The following MTHFD1 variants were observed in gnomAD, a reference collection of about 807,000 sequenced individuals.
MTHFD1 encodes the protein methylenetetrahydrofolate dehydrogenase, cyclohydrolase and formyltetrahydrofolate synthetase 1, also known as C-1-tetrahydrofolate synthase, cytoplasmic.
A neutral mutation model predicts 110.3 loss-of-function variants in MTHFD1; 44 were observed. The ratio of observed to expected loss-of-function variants is 0.40; its 90% CI spans 0.31 to 0.51. MTHFD1 has a LOEUF of 0.51. MTHFD1 is among the 20% of genes least tolerant of loss of function. MTHFD1 has a pLI of 0.60. For missense variants in MTHFD1, 909 were observed against 1,173.1 expected (o/e 0.77, Z 3.29); for synonymous variants, 402 against 428.8 (o/e 0.94, Z 0.77).
Position 64,439,166 on chromosome 14 carries a change from A to C in MTHFD1, c.1668A>C (p.Thr556=). 6.2e-7 allele frequency: 1 copy of C among 1,613,244 alleles called. No individual in the cohort carries two copies. The highest frequency in any genetic ancestry group is 2.2e-5 in the East Asian group (1 of 44,880). The change falls in exon 17 of 28, where the codon ACA becomes ACC. Residue 556 remains threonine (T), a synonymous_variant. Coordinates refer to ENST00000652337, the MANE Select transcript of MTHFD1 (RefSeq NM_005956.4). ...IGQAPTEKGH[T]RTAQFDISVA... is the part of the protein sequence containing the mutation. ...AGGCTCCAACGGAGAAGGGTCACACACGGACGGTAACAATTTGTCCCTTTC... is the reference window on the plus strand; with the variant it reads ...AGGCTCCAACGGAGAAGGGTCACACCCGGACGGTAACAATTTGTCCCTTTC...
intron 15 of MTHFD1, among the ~76,000 whole-genome samples, chr14:64,432,620 T>A (rs959192809): frequency 2.9e-4 from 44 of 152,228 alleles, no homozygotes; most frequent in African/African-American, 1.0e-3. Flanking sequence ...GCTTGCATAT[T>A]GCATGCCTCC....
At chr14:64,424,757 G>A (rs149854024) in intron 8 of MTHFD1, 47 bp from the exon 9 acceptor site, 1 of 1,608,850 alleles carries the variant, frequency 6.2e-7, no homozygotes, top group African/African-American at 1.3e-5. Context: ...TGATCACCAG[G>A]ACTGTGATTC....
At chr14:64,434,814 G>T (rs1470959922) in intron 15 of MTHFD1, among the ~76,000 whole-genome samples, 3 of 148,586 alleles carry the variant, frequency 2.0e-5, no homozygotes, top group Non-Finnish European at 4.4e-5. Context: ...TGGGAGCGAT[G>T]AATTCTGTTT....
At chr14:64,416,948 A>G (rs2078030244) in intron 6 of MTHFD1, among the ~76,000 whole-genome samples, 2 of 152,108 alleles carry the variant, frequency 1.3e-5, no homozygotes, top group African/African-American at 2.4e-5. Flanking sequence ...TGATGTTCAC[A>G]TTATTATAAG....
At chr14:64,426,491 G>T (rs1311465888) in intron 11 of MTHFD1, among the ~76,000 whole-genome samples, 2 of 152,146 alleles carry the variant, frequency 1.3e-5, no homozygotes, top group African/African-American at 2.4e-5. Context: ...GTTGTTTTGA[G>T]ACAGAGTCTC....
chr14:64,425,411 A>G (rs1304615872), intron 9 of MTHFD1, among the ~76,000 whole-genome samples: 2 of 151,880 alleles, frequency 1.3e-5, no homozygotes, highest in African/African-American at 2.4e-5. Flanking sequence ...AGGTTTCTCC[A>G]CGTTGGTTAG....
intron 1 of MTHFD1, among the ~76,000 whole-genome samples, chr14:64,389,440 G>T (rs563988139): frequency 7.0e-4 from 107 of 152,270 alleles, no homozygotes; most frequent in Non-Finnish European, 1.0e-3. Context: ...GGGCCCAGTG[G>T]CTCATGCCTG....
Position 64,441,886 on chromosome 14 carries a change from C to T in MTHFD1, c.1885-168C>T, listed in dbSNP as rs1438757557. 1.2e-5 allele frequency: 8 copies of T among 683,054 alleles called. 1 individual carries two copies. Among genetic ancestry groups the T allele is most frequent in the South Asian group, 4.7e-5 (3 of 63,572 alleles). The allele number at this position is 683,054 out of a possible 1,614,324, so 42.3% of individuals were successfully genotyped here. On this transcript the variant is annotated intron_variant, in intron 19 of 27. Transcript: ENST00000652337. ...TGCTCATCTCTTTCTTCTCATTCTTCCTCACACCTGTGACTGGGACGTTAC... is the reference window on the plus strand; with the variant it reads ...TGCTCATCTCTTTCTTCTCATTCTTTCTCACACCTGTGACTGGGACGTTAC...
At chr14:64,414,329 G>A (rs1403724167) in intron 4 of MTHFD1, among the ~76,000 whole-genome samples, 1 of 112,758 alleles carries the variant, frequency 8.9e-6, no homozygotes, top group African/African-American at 3.5e-5. Flanking sequence ...GTCTTGCTCT[G>A]TTGCCCAGGC....
At chr14:64,444,982 C>T in intron 22 of MTHFD1, 1 of 529,912 alleles carries the variant, frequency 1.9e-6, no homozygotes, top group Non-Finnish European at 3.4e-6. Flanking sequence ...TGATTCTCAA[C>T]AGCTGATTTT....
chr14:64,435,568 G>C lies in MTHFD1; in HGVS notation c.1495-1G>C. 6.4e-7 allele frequency: 1 copy of C among 1,571,170 alleles called. No homozygotes were observed. Among genetic ancestry groups the C allele is most frequent in the Non-Finnish European group, 8.8e-7 (1 of 1,141,056 alleles). On this transcript the variant is annotated splice_acceptor_variant, in intron 15 of 27. Transcript: ENST00000652337. LOFTEE classifies it high-confidence loss of function. ...ATGTTTTCATTTTCCTACACTTTCA[G>C]AGACTAGGCATTGAAAAGACTGACC... is the stretch of plus-strand genomic sequence containing the variant.
intron 1 of MTHFD1, among the ~76,000 whole-genome samples, chr14:64,399,465 C>T (rs1282061843): frequency 1.3e-5 from 2 of 151,894 alleles, no homozygotes; most frequent in Non-Finnish European, 2.9e-5. Context: ...TCGAGACCAG[C>T]CTGACCAACA....
At chr14:64,405,848 T>C (rs745647606) in intron 2 of MTHFD1, among the ~76,000 whole-genome samples, 1 of 152,068 alleles carries the variant, frequency 6.6e-6, no homozygotes, top group Non-Finnish European at 1.5e-5. Context: ...ATAGTACAAG[T>C]TGAGTATCCC....
rs557940163 is a variant in MTHFD1, at chr14:64,458,515, A to C, written c.*4+208A>C. The C allele has an allele frequency of 3.2e-5, 19 of 588,790 alleles. No homozygotes were observed. In the East Asian group the frequency reaches 5.7e-4, roughly 18 times the overall value. The allele number at this position is 588,790 out of a possible 1,614,324, so 36.5% of individuals were successfully genotyped here. Reference sequence around the variant, plus strand: ...TTATATTTCAACACATTTTTGGAAGAAGCGCAGCATGGCTTGTCACAGGTT... The same window carrying C: ...TTATATTTCAACACATTTTTGGAAGCAGCGCAGCATGGCTTGTCACAGGTT... On this transcript the variant is annotated intron_variant, in intron 27 of 27. Transcript: ENST00000652337.
chr14:64,452,642 A>C (rs2140986298), intron 24 of MTHFD1, among the ~76,000 whole-genome samples: 1 of 152,294 alleles, frequency 6.6e-6, no homozygotes, highest in South Asian at 2.1e-4. Flanking sequence ...TGATCATGTA[A>C]ATCACTGGGT....
At chr14:64,449,992 A>T (rs1050670979) in intron 24 of MTHFD1, among the ~76,000 whole-genome samples, 3 of 152,148 alleles carry the variant, frequency 2.0e-5, no homozygotes, top group African/African-American at 7.2e-5. Context: ...GGGTTTCACC[A>T]TCTTGGCCAG....
At chr14:64,443,848 A>G (rs1302867589) in intron 21 of MTHFD1, among the ~76,000 whole-genome samples, 1 of 152,268 alleles carries the variant, frequency 6.6e-6, no homozygotes, top group Non-Finnish European at 1.5e-5. Context: ...ACATTTGCAC[A>G]TATGGCTCTG....
chr14:64,414,286 C>CTTTTTTTTTTTTTTTT (rs3062425), intron 4 of MTHFD1, among the ~76,000 whole-genome samples: 29 of 86,450 alleles, frequency 3.4e-4, no homozygotes, highest in African/African-American at 1.4e-3. Flanking sequence ...CCTGTCCCCG[C>CTTTTTTTTTTTTTTTT]TTTTTTTTTT....
rs1343903188 is a variant in MTHFD1, at chr14:64,448,279, G to A, written c.2241G>A (p.Met747Ile). 1.9e-6 allele frequency: 3 copies of A among 1,614,058 alleles called. No individual in the cohort carries two copies. The change falls in exon 23 of 28, where the codon ATG (methionine) becomes ATA (isoleucine). Residue 747 changes from methionine to isoleucine, a missense_variant. Physicochemically the swap from Met to Ile is conservative, Grantham distance 10. This residue lies in a region of MTHFD1 where 482 missense variants were observed against 646.0 expected (regional missense o/e 0.75). Transcript: ENST00000652337. ...AGAAACAAATTGAAAATGCCAGAAT[G>A]TTTGGAATTCCAGTAGTAGTGGCCG... is the stretch of plus-strand genomic sequence containing the variant. ...NLKKQIENARMFGIPVVVAVN... is the reference protein window; with the variant it reads ...NLKKQIENARIFGIPVVVAVN...
Sources: gnomAD v4.1 joint callset for allele counts (sites outside exome capture counted in the v4.1 genomes callset) on GRCh38, gnomAD v4.1.1 for gene constraint, gnomAD v4.1.1 regional missense constraint, MANE v1.5 for transcripts, NCBI Gene and HGNC (gene_info 2026-07-23, HGNC 2026-07-21) for gene names.